The following ZNF469 variants were observed in gnomAD, a reference collection of about 807,000 sequenced individuals.
The protein encoded by ZNF469 is zinc finger protein 469.
ZNF469 carries 1 observed loss-of-function variant against 1.0 expected under a neutral mutation model. The ratio of observed to expected loss-of-function variants is 1.00; its 90% CI spans 0.35 to 4.73. The LOEUF is 4.73. Among genes scored for constraint, ZNF469 ranks in the 30% most tolerant of loss-of-function variants. The pLI is 0.16. For synonymous variants in ZNF469, 2,703 were observed against 2,363.4 expected, an observed-to-expected ratio of 1.14 and a Z score of -4.17; for missense variants, 6,100 against 5,356.3, an observed-to-expected ratio of 1.14 and a Z score of -4.33.
At chr16:88,116,497 C>T in the ZNF469 span, among the ~76,000 whole-genome samples, 1 of 152,252 alleles carries the variant, frequency 6.6e-6, no homozygotes, top group Admixed American at 6.5e-5. Flanking sequence ...CACAATGACA[C>T]TCTTGGGGCG....
chr16:88,291,682 G>A, the ZNF469 span, among the ~76,000 whole-genome samples: 1 of 151,910 alleles, frequency 6.6e-6, no homozygotes, highest in East Asian at 1.9e-4. Flanking sequence ...GACCTTGAGG[G>A]AGCCCCGTGC....
chr16:88,338,342 C>A, the ZNF469 span, among the ~76,000 whole-genome samples: 1 of 152,208 alleles, frequency 6.6e-6, no homozygotes, highest in Non-Finnish European at 1.5e-5. Flanking sequence ...GCAATGTCTG[C>A]CCCGGCAAGA....
At chr16:88,416,487 G>C (rs1905304032) in intron 1 of ZNF469, among the ~76,000 whole-genome samples, 1 of 152,152 alleles carries the variant, frequency 6.6e-6, no homozygotes, top group African/African-American at 2.4e-5. Context: ...GATCTTAGTG[G>C]TGTGTGACTT....
the ZNF469 span, among the ~76,000 whole-genome samples, chr16:88,337,141 T>C: frequency 4.6e-5 from 7 of 152,224 alleles, no homozygotes; most frequent in Non-Finnish European, 8.8e-5. Context: ...GCTATGAACG[T>C]TCACACCTGG....
the ZNF469 span, among the ~76,000 whole-genome samples, chr16:88,360,325 T>C: frequency 9.2e-5 from 14 of 152,194 alleles, no homozygotes; most frequent in Non-Finnish European, 1.9e-4. Flanking sequence ...TGGCCTTGAC[T>C]TTCTTTTCAA....
chr16:88,212,498 T>G, the ZNF469 span, among the ~76,000 whole-genome samples: 14 of 152,218 alleles, frequency 9.2e-5, no homozygotes, highest in Non-Finnish European at 1.9e-4. Flanking sequence ...TTTGGGTACC[T>G]TTTAATTTAA....
the ZNF469 span, among the ~76,000 whole-genome samples, chr16:88,238,506 G>C: frequency 1.3e-5 from 2 of 152,190 alleles, no homozygotes; most frequent in Non-Finnish European, 2.9e-5. Flanking sequence ...ACTCTAGGTA[G>C]ACCCGAGGTA....
At chr16:88,368,136 C>T in the ZNF469 span, among the ~76,000 whole-genome samples, 1 of 152,266 alleles carries the variant, frequency 6.6e-6, no homozygotes, top group Non-Finnish European at 1.5e-5. Flanking sequence ...CCTGCTCCCT[C>T]AGCTGACACT....
At chr16:88,215,383 A>ATTTTTTTTTTTT in the ZNF469 span, among the ~76,000 whole-genome samples, 4 of 94,188 alleles carry the variant, frequency 4.2e-5, no homozygotes, top group African/African-American at 8.8e-5. Flanking sequence ...TTGCCTTTTA[A>ATTTTTTTTTTTT]TTTTTTTTTT....
the ZNF469 span, among the ~76,000 whole-genome samples, chr16:88,306,310 G>A: frequency 1.3e-5 from 2 of 152,260 alleles, no homozygotes; most frequent in Non-Finnish European, 2.9e-5. Context: ...TGTCAGTAAG[G>A]GAACTTGAGG....
the ZNF469 span, among the ~76,000 whole-genome samples, chr16:88,127,348 G>A: frequency 7.2e-5 from 11 of 152,186 alleles, no homozygotes; most frequent in East Asian, 5.8e-4. Context: ...ATTCAGCAAC[G>A]AATCCCTGGC....
chr16:88,425,785 G>A (rs941012586), intron 2 of ZNF469, among the ~76,000 whole-genome samples: 2 of 152,228 alleles, frequency 1.3e-5, no homozygotes, highest in African/African-American at 2.4e-5. Flanking sequence ...CCCTCCTCCC[G>A]GGGTCATGGG....
chr16:88,419,413 T>G (rs1196496058), intron 1 of ZNF469, among the ~76,000 whole-genome samples: 1 of 152,098 alleles, frequency 6.6e-6, no homozygotes, highest in Non-Finnish European at 1.5e-5. Flanking sequence ...CCGGCTCTGC[T>G]CCCCAGACTT....
chr16:88,230,891 C>T, the ZNF469 span, among the ~76,000 whole-genome samples: 8 of 149,296 alleles, frequency 5.4e-5, no homozygotes, highest in Admixed American at 5.3e-4. Context: ...CGGGCTCTCA[C>T]AGCGGGAGCT....
chr16:88,376,915 G>A, the ZNF469 span, among the ~76,000 whole-genome samples: 4 of 152,152 alleles, frequency 2.6e-5, no homozygotes, highest in Non-Finnish European at 5.9e-5. Context: ...AGCGTGCCCC[G>A]AGGCCCCCGA....
chr16:88,273,762 G>T, the ZNF469 span, among the ~76,000 whole-genome samples: 13 of 152,140 alleles, frequency 8.5e-5, no homozygotes, highest in African/African-American at 2.9e-4. Flanking sequence ...CCGTGGACAG[G>T]TGAATGGATA....
the ZNF469 span, among the ~76,000 whole-genome samples, chr16:88,277,701 G>A: frequency 9.6e-6 from 1 of 104,258 alleles, no homozygotes; most frequent in Non-Finnish European, 2.1e-5. Flanking sequence ...GGTTAGTGCT[G>A]CACCACACTG....
At chr16:88,151,790 T>C in the ZNF469 span, among the ~76,000 whole-genome samples, 1 of 152,220 alleles carries the variant, frequency 6.6e-6, no homozygotes, top group Non-Finnish European at 1.5e-5. This position sits in a 1 kb window ranked among gnomAD's most constrained non-coding sequence, Gnocchi z 5.4. Flanking sequence ...CCCAAGAACC[T>C]GAGCCCAGGC....
Position 88,436,996 on chromosome 16 carries a change from G to A in ZNF469, c.9526G>A (p.Ala3176Thr), listed in dbSNP as rs1906631745. The change falls in exon 3 of 3, where the codon GCG becomes ACG. Residue 3176 changes from alanine to threonine, a missense_variant. Physicochemically the swap from Ala to Thr is moderately conservative, Grantham distance 58 (BLOSUM62 0). Transcript: ENST00000565624. Reference sequence around the variant, plus strand: ...CGCGCAGAGCAAGGCCGGGCCCTGGGCGTGCGGCATGTGCCTGAAGGAGGT... The same window carrying A: ...CGCGCAGAGCAAGGCCGGGCCCTGGACGTGCGGCATGTGCCTGAAGGAGGT... The part of the protein sequence containing the change: ...RHAQSKAGPW[A>T]CGMCLKEVAD... The A allele has an allele frequency of 6.6e-7, 1 of 1,519,904 alleles. No individual in the cohort carries two copies. Among genetic ancestry groups the A allele is most frequent in the Non-Finnish European group, 8.8e-7 (1 of 1,135,800 alleles). 94.2% of individuals were successfully genotyped at this position (1,519,904 alleles called of 1,614,324 possible).
Sources: gnomAD v4.1 joint callset for allele counts (sites outside exome capture counted in the v4.1 genomes callset) on GRCh38, gnomAD v4.1.1 for gene constraint, Gnocchi (gnomAD v3.1) non-coding constraint, MANE v1.5 for transcripts, NCBI Gene and HGNC (gene_info 2026-07-23, HGNC 2026-07-21) for gene names.